The following PKP4 variants were observed in gnomAD, a reference collection of about 807,000 sequenced individuals.
PKP4 encodes plakophilin-4.
In PKP4, 90 loss-of-function variants were observed where a neutral mutation model predicts 145.1. The observed-to-expected ratio is 0.62, with a 90% CI of 0.52 to 0.74. The LOEUF is 0.74. Among genes scored for constraint, PKP4 ranks in the 30% least tolerant of loss-of-function variants. The probability of loss-of-function intolerance (pLI) is 0.00; values close to 1 mark genes in which losing one functional copy is unlikely to be tolerated. For missense variants in PKP4, 1,340 were observed against 1,482.7 expected (o/e 0.90, Z 1.58); for synonymous variants, 563 against 577.2 (o/e 0.98, Z 0.35).
chr2:158,593,106 C>G (rs1391970890), intron 3 of PKP4, among the ~76,000 whole-genome samples: 1 of 152,012 alleles, frequency 6.6e-6, no homozygotes, highest in Non-Finnish European at 1.5e-5. Context: ...TTTTAAATTT[C>G]CTTTCTATTT....
chr2:158,617,833 AC>A (rs2051791163), intron 4 of PKP4, among the ~76,000 whole-genome samples: 1 of 152,244 alleles, frequency 6.6e-6, no homozygotes, highest in Admixed American at 6.5e-5. Flanking sequence ...ATTTCAGGAT[AC>A]TTTGATCTCT....
chr2:158,668,532 AGC>A (rs1268435062), intron 16 of PKP4, among the ~76,000 whole-genome samples: 1 of 152,252 alleles, frequency 6.6e-6, no homozygotes, highest in East Asian at 1.9e-4. Flanking sequence ...AGGCAGAGTG[AGC>A]TGCCTCGGCC....
intron 1 of PKP4, among the ~76,000 whole-genome samples, chr2:158,487,774 TGAGA>T (rs145563862): frequency 1.5e-5 from 2 of 134,908 alleles, no homozygotes; most frequent in South Asian, 2.3e-4. Context: ...AAAGAAAGAC[TGAGA>T]GAGAGAGAGA....
intron 3 of PKP4, among the ~76,000 whole-genome samples, chr2:158,581,965 A>G (rs1460155882): frequency 6.6e-6 from 1 of 152,232 alleles, no homozygotes; most frequent in Non-Finnish European, 1.5e-5. Context: ...TAATAAAACT[A>G]GCACTATCAA....
At chr2:158,502,516 A>G (rs556494664) in intron 1 of PKP4, among the ~76,000 whole-genome samples, 2 of 152,276 alleles carry the variant, frequency 1.3e-5, no homozygotes, top group East Asian at 1.9e-4. Context: ...TCTAACACAT[A>G]CTTGTCTCCA....
At chr2:158,548,007 C>CATTT (rs1559306767) in intron 2 of PKP4, among the ~76,000 whole-genome samples, 2 of 152,204 alleles carry the variant, frequency 1.3e-5, no homozygotes, top group African/African-American at 4.8e-5. Flanking sequence ...TTCATCTTAA[C>CATTT]ATTTATTTTT....
In PKP4 at chr2:158,580,323, A is replaced by G. The variant is rs188541466; in HGVS notation, c.245+2940A>G. Among the ~76,000 whole-genome samples, 96 of 152,236 alleles carry G rather than the reference A, an allele frequency of 6.3e-4. 1 individual carries two copies. Among genetic ancestry groups the G allele is most frequent in the East Asian group, 5.0e-3 (26 of 5,178 alleles). On this transcript the variant is annotated intron_variant, in intron 3 of 21. Coordinates refer to ENST00000389759, the MANE Select transcript of PKP4 (RefSeq NM_003628.6). Reference sequence around the variant, plus strand: ...CAGTGCCTGGCATTTGTGCCTGGCAAGTGACTGTGGCACCACCAGTGAATG... The same window carrying G: ...CAGTGCCTGGCATTTGTGCCTGGCAGGTGACTGTGGCACCACCAGTGAATG...
At chr2:158,677,093 G>A (rs576454918) in intron 20 of PKP4, 21 of 541,836 alleles carry the variant, frequency 3.9e-5, no homozygotes, top group South Asian at 1.3e-4. Context: ...GTAGTTGTAC[G>A]GTGGGCACAA....
At chr2:158,646,702 C>T (rs1225445329) in intron 11 of PKP4, among the ~76,000 whole-genome samples, 1 of 152,170 alleles carries the variant, frequency 6.6e-6, no homozygotes, top group Non-Finnish European at 1.5e-5. Context: ...ACATCAAATG[C>T]TCAAGCCGTC....
intron 1 of PKP4, among the ~76,000 whole-genome samples, chr2:158,525,755 AAAG>A (rs1209549542): frequency 2.7e-5 from 4 of 146,488 alleles, no homozygotes; most frequent in Non-Finnish European, 6.0e-5. Context: ...ATAAAGAAAA[AAAG>A]AGAGGAGAAT....
At chr2:158,628,116 G>A (rs1021026315) in intron 7 of PKP4, among the ~76,000 whole-genome samples, 27 of 151,970 alleles carry the variant, frequency 1.8e-4, no homozygotes, top group African/African-American at 6.3e-4. Context: ...GAGTAGCTGG[G>A]ACTACAGGCG....
intron 1 of PKP4, among the ~76,000 whole-genome samples, chr2:158,512,744 T>C (rs1475009998): frequency 6.6e-6 from 1 of 152,226 alleles, no homozygotes; most frequent in East Asian, 1.9e-4. Flanking sequence ...TGACAAGACC[T>C]CCCTAAAGTC....
At chr2:158,480,021 C>T (rs556492379) in intron 1 of PKP4, among the ~76,000 whole-genome samples, 3 of 152,230 alleles carry the variant, frequency 2.0e-5, no homozygotes, top group East Asian at 3.9e-4. Context: ...TCTTCTTAGA[C>T]GTTGATTCTG....
At chr2:158,466,148 G>A (rs969323694) in intron 1 of PKP4, among the ~76,000 whole-genome samples, 1 of 152,064 alleles carries the variant, frequency 6.6e-6, no homozygotes, top group Non-Finnish European at 1.5e-5. Flanking sequence ...CTTAAATCTT[G>A]ACCTCCAGTG....
chr2:158,571,421 C>G (rs141786970), intron 2 of PKP4, among the ~76,000 whole-genome samples: 4 of 152,292 alleles, frequency 2.6e-5, no homozygotes, highest in Non-Finnish European at 5.9e-5. Context: ...ATATTATGAA[C>G]TACTTTATGC....
chr2:158,627,043 A>T (rs1401975669), intron 7 of PKP4, among the ~76,000 whole-genome samples: 2 of 152,122 alleles, frequency 1.3e-5, no homozygotes, highest in African/African-American at 4.8e-5. Context: ...TGATTGAATA[A>T]TTTTGCCTGG....
At chr2:158,650,836 G>C (rs529866734) in intron 11 of PKP4, among the ~76,000 whole-genome samples, 167 of 152,348 alleles carry the variant, frequency 1.1e-3, no homozygotes, top group African/African-American at 4.0e-3. Flanking sequence ...AGGCAGGCCT[G>C]TCCACCACCT....
intron 2 of PKP4, among the ~76,000 whole-genome samples, chr2:158,541,201 C>T (rs566408896): frequency 4.7e-4 from 71 of 152,068 alleles, no homozygotes; most frequent in Non-Finnish European, 8.7e-4. Flanking sequence ...CATAGCCTAT[C>T]CAGTGCCTAT....
intron 1 of PKP4, among the ~76,000 whole-genome samples, chr2:158,521,747 G>A (rs1281515386): frequency 6.6e-6 from 1 of 152,090 alleles, no homozygotes; most frequent in African/African-American, 2.4e-5. Context: ...TAATTTCCTA[G>A]TACTTCATTC....
Sources: allele counts gnomAD v4.1 joint callset (sites outside exome capture counted in the v4.1 genomes callset), GRCh38; gene constraint gnomAD v4.1.1; transcripts MANE v1.5; gene names NCBI Gene and HGNC (gene_info 2026-07-23, HGNC 2026-07-21).